Variants in STPG2 observed in about 807,000 individuals in gnomAD.
STPG2 encodes the protein sperm tail PG-rich repeat containing 2.
Under a neutral mutation model 54.2 loss-of-function variants are expected in STPG2, and 56 were observed. That is an observed-to-expected ratio of 1.03 (90% confidence interval 0.83 to 1.29). STPG2 has a LOEUF of 1.29. Ranked by LOEUF, STPG2 falls within the 50% of genes most tolerant of loss-of-function variation. STPG2 has a pLI of 0.00. For synonymous variants in STPG2, 200 were observed against 181.8 expected, an observed-to-expected ratio of 1.10 and a Z score of -0.81; for missense variants, 596 against 544.9, an observed-to-expected ratio of 1.09 and a Z score of -0.93.
intron 10 of STPG2, among the ~76,000 whole-genome samples, chr4:97,566,216 C>G (rs545478987): frequency 6.6e-6 from 1 of 152,316 alleles, no homozygotes; most frequent in African/African-American, 2.4e-5. Flanking sequence ...CAGTGATACT[C>G]CATGGGCATA....
intron 4 of STPG2, among the ~76,000 whole-genome samples, chr4:97,512,821 A>C (rs1195240553): frequency 2.0e-5 from 3 of 152,120 alleles, no homozygotes; most frequent in African/African-American, 7.2e-5. Flanking sequence ...ATACAGAATA[A>C]TTCTGTGACT....
intron 9 of STPG2, among the ~76,000 whole-genome samples, chr4:97,768,364 TG>T (rs1726122995): frequency 6.6e-6 from 1 of 152,128 alleles, no homozygotes; most frequent in Non-Finnish European, 1.5e-5. Flanking sequence ...GCCTGCAAGG[TG>T]GCCATTCTGA....
At chr4:97,455,196 A>G (rs1729485032) in intron 4 of STPG2, among the ~76,000 whole-genome samples, 1 of 152,192 alleles carries the variant, frequency 6.6e-6, no homozygotes, top group South Asian at 2.1e-4. Flanking sequence ...GTGTTTGGCA[A>G]TGACATTGAT....
intron 6 of STPG2, among the ~76,000 whole-genome samples, chr4:97,974,153 A>G (rs1442826060): frequency 6.6e-6 from 1 of 152,152 alleles, no homozygotes; most frequent in Non-Finnish European, 1.5e-5. Context: ...GAGTCAAAGG[A>G]GACTATTTTG....
chr4:97,570,188 A>G (rs1732562795), intron 10 of STPG2, among the ~76,000 whole-genome samples: 1 of 152,180 alleles, frequency 6.6e-6, no homozygotes, highest in Admixed American at 6.6e-5. Flanking sequence ...AAAATGCTTC[A>G]GATAACATTA....
intron 5 of STPG2, among the ~76,000 whole-genome samples, chr4:98,018,656 T>C (rs1736057869): frequency 6.6e-6 from 1 of 151,726 alleles, no homozygotes; most frequent in Non-Finnish European, 1.5e-5. Flanking sequence ...TGTTCCTATT[T>C]CTCCACATCC....
chr4:97,450,652 A>T (rs1729342940), intron 4 of STPG2, among the ~76,000 whole-genome samples: 1 of 152,150 alleles, frequency 6.6e-6, no homozygotes, highest in African/African-American at 2.4e-5. Flanking sequence ...TTAGTAACTG[A>T]AAGTAGGCTA....
At chr4:98,026,029 T>A in intron 5 of STPG2, 1 of 1,042,240 alleles carries the variant, frequency 9.6e-7, no homozygotes, top group Non-Finnish European at 1.5e-6. Context: ...AAGATGAAGA[T>A]AATTACAAGA....
intron 9 of STPG2, among the ~76,000 whole-genome samples, chr4:97,786,363 G>C (rs1726824723): frequency 6.6e-6 from 1 of 151,472 alleles, no homozygotes; most frequent in Admixed American, 6.6e-5. Context: ...TTATTGTTCA[G>C]ATTTTGTATA....
intron 10 of STPG2, among the ~76,000 whole-genome samples, chr4:97,628,323 A>G (rs1016173938): frequency 6.6e-6 from 1 of 152,068 alleles, no homozygotes; most frequent in African/African-American, 2.4e-5. Flanking sequence ...GCATGAGTCT[A>G]TTTTTCACCA....
At chr4:97,818,001 G>GT (rs960782290) in intron 9 of STPG2, among the ~76,000 whole-genome samples, 1 of 151,676 alleles carries the variant, frequency 6.6e-6, no homozygotes, top group East Asian at 1.9e-4. Flanking sequence ...CAGCTAAAGA[G>GT]TTTTTTTGGC....
chr4:97,774,506 T>C (rs1726315925), intron 9 of STPG2, among the ~76,000 whole-genome samples: 1 of 152,132 alleles, frequency 6.6e-6, no homozygotes, highest in African/African-American at 2.4e-5. Context: ...ACACCAAGCA[T>C]ATCATGGTTA....
chr4:97,723,307 T>C (rs1055998687), intron 9 of STPG2, among the ~76,000 whole-genome samples: 3 of 152,034 alleles, frequency 2.0e-5, no homozygotes, highest in Non-Finnish European at 4.4e-5. Context: ...CAGTATTCTC[T>C]TAGACACTGA....
At chr4:97,582,536 G>A (rs1732887983) in intron 10 of STPG2, among the ~76,000 whole-genome samples, 2 of 151,968 alleles carry the variant, frequency 1.3e-5, no homozygotes, top group South Asian at 4.2e-4. Context: ...TTATCTTTCT[G>A]ATTATGTTTT....
intron 4 of STPG2, among the ~76,000 whole-genome samples, chr4:97,457,381 T>C (rs746364535): frequency 6.6e-6 from 1 of 152,228 alleles, no homozygotes; most frequent in Non-Finnish European, 1.5e-5. Flanking sequence ...CCAGTGCCTA[T>C]GTAATCAAAC....
chr4:97,478,175 A>G (rs963800908), intron 4 of STPG2, among the ~76,000 whole-genome samples: 1 of 152,202 alleles, frequency 6.6e-6, no homozygotes, highest in Non-Finnish European at 1.5e-5. Context: ...TTTGGAAATG[A>G]TAGGTAAGTG....
chr4:97,997,687 A>G (rs1735287493), intron 5 of STPG2, among the ~76,000 whole-genome samples: 1 of 152,350 alleles, frequency 6.6e-6, no homozygotes, highest in Admixed American at 6.5e-5. Context: ...ACAATACAAG[A>G]ATAAGATCAT....
At chr4:97,772,726 A>G (rs1262752456) in intron 9 of STPG2, among the ~76,000 whole-genome samples, 1 of 152,212 alleles carries the variant, frequency 6.6e-6, no homozygotes, top group Non-Finnish European at 1.5e-5. Flanking sequence ...ACAATAAAAT[A>G]AAAACAGAAT....
At chr4:97,923,240 G>A (rs372212612) in intron 8 of STPG2, among the ~76,000 whole-genome samples, 53 of 152,302 alleles carry the variant, frequency 3.5e-4, no homozygotes, top group East Asian at 1.9e-3. Context: ...CTCAGCCTGC[G>A]GGGGGGTGTG....
Sources: allele counts gnomAD v4.1 joint callset (sites outside exome capture counted in the v4.1 genomes callset), GRCh38; gene constraint gnomAD v4.1.1; transcripts MANE v1.5; gene names NCBI Gene and HGNC (gene_info 2026-07-23, HGNC 2026-07-21).